The following TRPC4 variants were observed in gnomAD, a reference collection of about 807,000 sequenced individuals.
TRPC4 encodes the protein transient receptor potential cation channel subfamily C member 4.
TRPC4 carries 49 observed loss-of-function variants against 99.4 expected under a neutral mutation model. That is an observed-to-expected ratio of 0.49 (90% CI 0.39 to 0.63). The LOEUF (loss-of-function observed/expected upper bound fraction) is 0.63. TRPC4 is among the 20% of genes least tolerant of loss of function. TRPC4 has a pLI of 0.00. For synonymous variants in TRPC4, 454 were observed against 425.9 expected (o/e 1.07, Z -0.81); for missense variants, 898 against 1,152.9 (o/e 0.78, Z 3.20).
At chr13:37,745,520 GT>G (rs1566138682) in intron 3 of TRPC4, among the ~76,000 whole-genome samples, 2,208 of 94,682 alleles carry the variant, frequency 0.023, 30 homozygotes, top group Non-Finnish European at 0.029. Flanking sequence ...ATATATATAC[GT>G]ATATATGTAT....
intron 5 of TRPC4, among the ~76,000 whole-genome samples, 159 bp from the exon 6 acceptor site, chr13:37,663,888 G>A (rs1447106600): frequency 6.6e-6 from 1 of 152,214 alleles, no homozygotes; most frequent in South Asian, 2.1e-4. Context: ...AGGAACACAT[G>A]TAGGATACAA....
chr13:37,719,993 A>C (rs1167050285), intron 3 of TRPC4, among the ~76,000 whole-genome samples: 1 of 152,094 alleles, frequency 6.6e-6, no homozygotes, highest in Non-Finnish European at 1.5e-5. Flanking sequence ...TGTTCTTAAA[A>C]GATGGAAGAA....
At chr13:37,861,983 A>G (rs1441846188) in intron 1 of TRPC4, among the ~76,000 whole-genome samples, 1 of 151,450 alleles carries the variant, frequency 6.6e-6, no homozygotes. Flanking sequence ...GGAGGAATGT[A>G]TCTAGTCCAG....
intron 4 of TRPC4, 141 bp downstream of exon 4, chr13:37,691,858 G>A (rs1049799892): frequency 2.6e-6 from 2 of 775,524 alleles, no homozygotes; most frequent in Non-Finnish European, 3.9e-6. Context: ...TTTGGCTTTG[G>A]GGGTGAGGTT....
intron 3 of TRPC4, among the ~76,000 whole-genome samples, chr13:37,743,451 A>G (rs936735338): frequency 3.3e-5 from 5 of 152,132 alleles, no homozygotes; most frequent in Non-Finnish European, 4.4e-5. Context: ...TTTTATATTT[A>G]TAACATATAC....
intron 1 of TRPC4, among the ~76,000 whole-genome samples, chr13:37,826,637 A>G (rs1486753605): frequency 6.6e-6 from 1 of 152,026 alleles, no homozygotes; most frequent in South Asian, 2.1e-4. Context: ...TTCTGCCAAG[A>G]GATCCGCTGT....
chr13:37,637,579 A>C lies in TRPC4; in HGVS notation c.2258T>G (p.Leu753Ter). Residue 753 changes from leucine (L) to a stop codon, truncating the protein, a stop_gained, in exon 11 of 11, where the codon TTA (leucine) becomes TGA (stop). Coordinates refer to ENST00000379705, the MANE Select transcript of TRPC4 (RefSeq NM_016179.4). LOFTEE classifies it high-confidence loss of function. ...ISSFRFEVLGLLRGSKLSTIQ... is the reference protein window; with the variant it reads ...ISSFRFEVLG ...TGTGGAAAGTTTGCTTCCTCTTAGT[A>C]ATCCCAGGACTTCAAAGCGGAAACT... 1.9e-6 allele frequency: 3 copies of C among 1,610,276 alleles called. No individual in the cohort carries two copies. Among genetic ancestry groups the C allele is most frequent in the Non-Finnish European group, 2.5e-6 (3 of 1,178,814 alleles).
At position 37,639,147 on chromosome 13, in the gene TRPC4, A is replaced by G; in HGVS notation, c.2122-18T>C. 1.2e-6 allele frequency: 2 copies of G among 1,613,562 alleles called. No individual in the cohort carries two copies. Among genetic ancestry groups the G allele is most frequent in the Non-Finnish European group, 1.7e-6 (2 of 1,179,554 alleles). ...ATAACTTCCTGAGGCATTTTAGAAC[A>G]AGAGTATTGATACTCAATGAGTAAA... On this transcript the variant is annotated intron_variant, in intron 9 of 10. Transcript: ENST00000379705.
At chr13:37,831,589 A>G (rs764604641) in intron 1 of TRPC4, among the ~76,000 whole-genome samples, 10 of 152,228 alleles carry the variant, frequency 6.6e-5, no homozygotes, top group Admixed American at 1.3e-4. Flanking sequence ...TCCCATGTTC[A>G]TTACAGAATT....
chr13:37,716,048 GAA>G (rs1351690597), intron 3 of TRPC4, among the ~76,000 whole-genome samples: 4 of 152,172 alleles, frequency 2.6e-5, no homozygotes, highest in Non-Finnish European at 5.9e-5. Context: ...AACTTTGTTA[GAA>G]TGTAATATGT....
intron 1 of TRPC4, among the ~76,000 whole-genome samples, chr13:37,805,900 C>T (rs2139450508): frequency 6.6e-6 from 1 of 151,776 alleles, no homozygotes; most frequent in South Asian, 2.1e-4. Context: ...TATACAATGT[C>T]TTATTGAGAA....
intron 1 of TRPC4, among the ~76,000 whole-genome samples, chr13:37,840,721 T>G (rs79490913): frequency 6.6e-6 from 1 of 152,078 alleles, no homozygotes; most frequent in Non-Finnish European, 1.5e-5. Flanking sequence ...ATTAGTGAAC[T>G]ATAAATTTAT....
At chr13:37,665,920 G>C (rs1478128922) in intron 5 of TRPC4, among the ~76,000 whole-genome samples, 1 of 150,152 alleles carries the variant, frequency 6.7e-6, no homozygotes. Context: ...GATTATTTAA[G>C]CTGATTTCAG....
chr13:37,866,439 A>G (rs1959751592), intron 1 of TRPC4, among the ~76,000 whole-genome samples: 1 of 151,372 alleles, frequency 6.6e-6, no homozygotes, highest in South Asian at 2.1e-4. Flanking sequence ...TATATTTTTT[A>G]AACATTTAAA....
Position 37,795,530 on chromosome 13 carries a change from G to C in TRPC4, c.-27-12170C>G, listed in dbSNP as rs1441498754. Among the ~76,000 whole-genome samples, 4 of 152,270 alleles carry C rather than the reference G, an allele frequency of 2.6e-5. No homozygotes were observed. The East Asian group carries it at 7.7e-4, about 29-fold the overall frequency. Reference sequence around the variant, plus strand: ...GGGGGGTAAGAAATGCTTGCTGGAGGAGGTGGAGCTTCACCTAAGTATTTA... The same window carrying C: ...GGGGGGTAAGAAATGCTTGCTGGAGCAGGTGGAGCTTCACCTAAGTATTTA... On this transcript the variant is annotated intron_variant, in intron 1 of 10. Transcript: ENST00000379705.
intron 1 of TRPC4, among the ~76,000 whole-genome samples, chr13:37,842,654 C>T (rs926772278): frequency 7.2e-5 from 11 of 152,240 alleles, no homozygotes; most frequent in Non-Finnish European, 1.3e-4. Flanking sequence ...GTGAAAGGAG[C>T]AGGTAGCTCT....
At chr13:37,782,022 A>G (rs1956854067) in intron 2 of TRPC4, among the ~76,000 whole-genome samples, 1 of 152,126 alleles carries the variant, frequency 6.6e-6, no homozygotes, top group Admixed American at 6.6e-5. Context: ...AATAACATCC[A>G]TTTTATAAGA....
chr13:37,830,907 A>G (rs926082072), intron 1 of TRPC4, among the ~76,000 whole-genome samples: 9 of 151,004 alleles, frequency 6.0e-5, no homozygotes, highest in African/African-American at 2.2e-4. Flanking sequence ...GTATCATATC[A>G]TATGAAGGCA....
chr13:37,826,915 A>T (rs1442737839), intron 1 of TRPC4, among the ~76,000 whole-genome samples: 4 of 152,168 alleles, frequency 2.6e-5, no homozygotes, highest in Non-Finnish European at 2.9e-5. Context: ...TACACCAATC[A>T]GACGTAGATT....
Sources: gnomAD v4.1 joint callset for allele counts (sites outside exome capture counted in the v4.1 genomes callset) on GRCh38, gnomAD v4.1.1 for gene constraint, MANE v1.5 for transcripts, NCBI Gene and HGNC (gene_info 2026-07-23, HGNC 2026-07-21) for gene names.